LRFN2: variants seen among roughly 807,000 people sequenced by gnomAD.
The protein encoded by LRFN2 is leucine-rich repeat and fibronectin type-III domain-containing protein 2.
LRFN2 carries 18 observed loss-of-function variants against 37.3 expected under a neutral mutation model. The observed-to-expected ratio is 0.48, with a 90% CI of 0.33 to 0.72. LRFN2 has a LOEUF of 0.72. Among genes scored for constraint, LRFN2 ranks in the 30% least tolerant of loss-of-function variants. The pLI, the probability that LRFN2 is intolerant of heterozygous loss-of-function variation, is 0.02. For missense variants in LRFN2, 1,006 were observed against 1,060.7 expected (o/e 0.95, Z 0.72); for synonymous variants, 556 against 466.6 (o/e 1.19, Z -2.47).
chr6:40,445,171 T>C (rs1275966675), intron 1 of LRFN2, among the ~76,000 whole-genome samples: 2 of 152,192 alleles, frequency 1.3e-5, no homozygotes, highest in South Asian at 4.1e-4. Flanking sequence ...TATACCTGGA[T>C]AGGTGCAATC....
chr6:40,456,964 G>A (rs1045493399), intron 1 of LRFN2, among the ~76,000 whole-genome samples: 13 of 152,050 alleles, frequency 8.5e-5, no homozygotes, highest in Admixed American at 5.2e-4. Flanking sequence ...CACCAACCAC[G>A]CAGCTCTTCA....
chr6:40,453,128 TCCA>T (rs1764151431), intron 1 of LRFN2, among the ~76,000 whole-genome samples: 1 of 152,198 alleles, frequency 6.6e-6, no homozygotes, highest in African/African-American at 2.4e-5. Flanking sequence ...AGGTAGAGAC[TCCA>T]GCTCTCTCCA....
intron 1 of LRFN2, among the ~76,000 whole-genome samples, chr6:40,554,322 G>T (rs1388719585): frequency 6.6e-6 from 1 of 152,146 alleles, no homozygotes; most frequent in Non-Finnish European, 1.5e-5. Flanking sequence ...CTCCTTAGGG[G>T]CTTCTCTCGT....
intron 2 of LRFN2, among the ~76,000 whole-genome samples, chr6:40,393,181 G>A (rs944919318): frequency 6.6e-6 from 1 of 151,630 alleles, no homozygotes; most frequent in Non-Finnish European, 1.5e-5. Context: ...AGGGCATAGG[G>A]AATAGAGAAG....
At chr6:40,415,767 A>C in intron 2 of LRFN2, among the ~76,000 whole-genome samples, 1 of 152,234 alleles carries the variant, frequency 6.6e-6, no homozygotes, top group Non-Finnish European at 1.5e-5. Flanking sequence ...TGTGGCCCAG[A>C]CTTGAGTTGT....
intron 1 of LRFN2, among the ~76,000 whole-genome samples, chr6:40,491,411 A>G (rs999648387): frequency 1.3e-5 from 2 of 152,240 alleles, no homozygotes; most frequent in African/African-American, 2.4e-5. Context: ...TGCCAAAGAA[A>G]GAGTAGCCGG....
chr6:40,527,940 A>G (rs900092003), intron 1 of LRFN2, among the ~76,000 whole-genome samples: 11 of 152,212 alleles, frequency 7.2e-5, no homozygotes, highest in African/African-American at 2.7e-4. Context: ...TACTAACTGA[A>G]AATGTCTTAA....
At chr6:40,513,235 T>C (rs569538200) in intron 1 of LRFN2, among the ~76,000 whole-genome samples, 2 of 115,648 alleles carry the variant, frequency 1.7e-5, no homozygotes, top group Non-Finnish European at 3.2e-5. Context: ...CATTTAACAA[T>C]TTTTTTTTTT....
Position 40,433,116 on chromosome 6 carries a change from T to C in LRFN2, c.-3A>G, listed in dbSNP as rs1213749718. 4 of 1,518,624 alleles carry C rather than the reference T, an allele frequency of 2.6e-6. No homozygotes were observed. The highest frequency in any genetic ancestry group is 2.8e-5 in the African/African-American group (2 of 71,702). The allele number at this position is 1,518,624 out of a possible 1,614,324, so 94.1% of individuals were successfully genotyped here. On this transcript the variant is annotated 5_prime_UTR_variant, in exon 2 of 3. Coordinates refer to ENST00000338305, the MANE Select transcript of LRFN2 (RefSeq NM_020737.3). Reference sequence around the variant, plus strand: ...AGGCCACCAAGCAGGGTCTCCATGGTCTGGTCACTCAGCGCCTGGAAGGGA... The same window carrying C: ...AGGCCACCAAGCAGGGTCTCCATGGCCTGGTCACTCAGCGCCTGGAAGGGA...
rs944061201 is a variant in LRFN2, at chr6:40,436,973, C to T, written c.-18-3842G>A. The stretch of plus-strand genomic sequence containing the variant: ...CAGCCACATCCAAGGATGTCCCTTG[C>T]TAATTAATCAAGAGGTGGTTGAGTG... On this transcript the variant is annotated intron_variant, in intron 1 of 2. Coordinates refer to ENST00000338305, the MANE Select transcript of LRFN2 (RefSeq NM_020737.3). Among the ~76,000 whole-genome samples the T allele has an allele frequency of 4.6e-5, 7 of 152,064 alleles. No homozygotes were observed. In the East Asian group the frequency reaches 9.7e-4, roughly 21 times the overall value.
rs77418102 is a variant in LRFN2 at position 40,582,436 on chromosome 6, T to A, written c.-19+4505A>T. 3.2e-4 allele frequency among the ~76,000 whole-genome samples: 48 copies of A among 152,038 alleles called. No homozygotes were observed. In the East Asian group the frequency reaches 9.1e-3, roughly 29 times the overall value. On this transcript the variant is annotated intron_variant, in intron 1 of 2. Coordinates refer to ENST00000338305, the MANE Select transcript of LRFN2 (RefSeq NM_020737.3). ...GAGGCCCCGGCTCTCCTGCAGACAATCCCAAGCAGGTTGATAAATTACAAG... is the reference window on the plus strand; with the variant it reads ...GAGGCCCCGGCTCTCCTGCAGACAAACCCAAGCAGGTTGATAAATTACAAG...
In LRFN2 at chr6:40,432,967, A is replaced by G. The variant is rs139386031; in HGVS notation, c.147T>C (p.Asp49=). ...GCAGCTCCACTGTCCGCCGGTCAAT[A>G]TCAGGGGGTACAAAGAGCAGCCCCT... ...PSKGLLFVPP[D]IDRRTVELRL... is the part of the protein sequence containing the mutation. The change falls in exon 2 of 3, where the codon GAT becomes GAC. Residue 49 remains aspartate (D), a synonymous_variant. Transcript: ENST00000338305. 15 of 1,613,298 alleles carry G rather than the reference A, an allele frequency of 9.3e-6. No homozygotes were observed. The African/African-American group carries it at 2.0e-4, about 22-fold the overall frequency.
intron 2 of LRFN2, among the ~76,000 whole-genome samples, chr6:40,409,157 G>A (rs1387124103): frequency 6.6e-6 from 1 of 152,190 alleles, no homozygotes; most frequent in African/African-American, 2.4e-5. Context: ...AAGCAAATCT[G>A]GGTAAAATGA....
At chr6:40,408,745 G>A (rs867376531) in intron 2 of LRFN2, among the ~76,000 whole-genome samples, 1 of 152,236 alleles carries the variant, frequency 6.6e-6, no homozygotes, top group South Asian at 2.1e-4. Context: ...TGCTAGGGGT[G>A]CCTGGCAATA....
intron 2 of LRFN2, among the ~76,000 whole-genome samples, chr6:40,416,734 T>C (rs921447430): frequency 6.6e-6 from 1 of 152,148 alleles, no homozygotes; most frequent in African/African-American, 2.4e-5. Context: ...CCCTTCCTCC[T>C]TCTCCTGCTA....
chr6:40,579,281 C>G (rs1190241491), intron 1 of LRFN2, among the ~76,000 whole-genome samples: 2 of 152,170 alleles, frequency 1.3e-5, no homozygotes, highest in African/African-American at 4.8e-5. Context: ...CTCAGCTCCC[C>G]TTCTTCCCAG....
At chr6:40,481,505 T>C (rs985904788) in intron 1 of LRFN2, among the ~76,000 whole-genome samples, 1 of 151,330 alleles carries the variant, frequency 6.6e-6, no homozygotes. Flanking sequence ...AAGCAGTCCC[T>C]GGTTCAGAAT....
chr6:40,467,859 A>G (rs1359185747), intron 1 of LRFN2, among the ~76,000 whole-genome samples: 1 of 152,104 alleles, frequency 6.6e-6, no homozygotes, highest in African/African-American at 2.4e-5. Flanking sequence ...GGGTGCTCCA[A>G]TCAGACAGAG....
chr6:40,561,294 C>T (rs1302804359), intron 1 of LRFN2, among the ~76,000 whole-genome samples: 3 of 152,162 alleles, frequency 2.0e-5, no homozygotes, highest in Admixed American at 6.5e-5. Context: ...GGCCCAGGCC[C>T]TCACATGGAA....
Sources: allele counts gnomAD v4.1 joint callset (sites outside exome capture counted in the v4.1 genomes callset), GRCh38; gene constraint gnomAD v4.1.1; transcripts MANE v1.5; gene names NCBI Gene and HGNC (gene_info 2026-07-23, HGNC 2026-07-21).